The following CDC14A variants were observed in gnomAD, a reference collection of about 807,000 sequenced individuals.
CDC14A encodes the protein cell division cycle 14A, also known as dual specificity protein phosphatase CDC14A.
A neutral mutation model predicts 74.4 loss-of-function variants in CDC14A; 53 were observed. That is an observed-to-expected ratio of 0.71 (90% CI 0.57 to 0.89). The LOEUF (loss-of-function observed/expected upper bound fraction) is 0.89, where lower values mean the gene tolerates loss of function less well. CDC14A is among the 40% of genes least tolerant of loss of function. The probability of loss-of-function intolerance (pLI) is 0.00; values close to 1 mark genes in which losing one functional copy is unlikely to be tolerated. For synonymous variants in CDC14A, 247 were observed against 258.4 expected (o/e 0.96, Z 0.43); for missense variants, 646 against 713.7 (o/e 0.91, Z 1.08).
intron 9 of CDC14A, among the ~76,000 whole-genome samples, chr1:100,463,736 C>G (rs1300143603): frequency 6.6e-6 from 1 of 152,172 alleles, no homozygotes; most frequent in African/African-American, 2.4e-5. Context: ...TGTTTGACTT[C>G]GAGGAGGCTT....
intron 2 of CDC14A, among the ~76,000 whole-genome samples, chr1:100,364,492 G>T (rs906344384): frequency 6.6e-6 from 1 of 151,936 alleles, no homozygotes; most frequent in Non-Finnish European, 1.5e-5. Flanking sequence ...GATTACAGGC[G>T]GAGCCGTTGC....
upstream of CDC14A, among the ~76,000 whole-genome samples, chr1:100,348,430 A>G (rs1438132679): frequency 2.0e-5 from 3 of 152,122 alleles, no homozygotes; most frequent in Non-Finnish European, 4.4e-5. Context: ...TTTAAATGAT[A>G]AAATTTAATT....
chr1:100,515,576 A>G (rs1650144493), intron 15 of CDC14A, among the ~76,000 whole-genome samples: 1 of 151,744 alleles, frequency 6.6e-6, no homozygotes, highest in Non-Finnish European at 1.5e-5. Flanking sequence ...GTGGTGATGG[A>G]GTTTCGCCAT....
intron 2 of CDC14A, among the ~76,000 whole-genome samples, chr1:100,364,448 G>A (rs112233280): frequency 0.09 from 13,633 of 151,820 alleles, 2,109 homozygotes; most frequent in African/African-American, 0.31. Context: ...TCTTGACCTC[G>A]TGATCCGCCC....
intron 4 of CDC14A, among the ~76,000 whole-genome samples, chr1:100,410,982 C>T (rs920790836): frequency 2.0e-5 from 3 of 152,154 alleles, no homozygotes; most frequent in South Asian, 2.1e-4. Context: ...AATAATTTCT[C>T]CTCTGAAGAA....
intron 2 of CDC14A, among the ~76,000 whole-genome samples, chr1:100,363,599 C>A (rs1487892343): frequency 4.7e-5 from 7 of 149,980 alleles, no homozygotes; most frequent in African/African-American, 1.7e-4. Context: ...GAAGAATTTG[C>A]CAGTTTAGAC....
chr1:100,433,338 T>C (rs1374266851), intron 5 of CDC14A, among the ~76,000 whole-genome samples: 3 of 152,200 alleles, frequency 2.0e-5, no homozygotes, highest in East Asian at 1.9e-4. Context: ...TCTGGGCCAA[T>C]AGACATAAAA....
intron 4 of CDC14A, among the ~76,000 whole-genome samples, chr1:100,420,031 T>TATAC (rs1289903598): frequency 2.1e-4 from 17 of 82,874 alleles, no homozygotes; most frequent in African/African-American, 2.5e-4. Context: ...TATACATATA[T>TATAC]ACACACACAC....
chr1:100,497,844 A>G (rs1391027313), intron 13 of CDC14A, among the ~76,000 whole-genome samples: 1 of 152,178 alleles, frequency 6.6e-6, no homozygotes, highest in Non-Finnish European at 1.5e-5. Flanking sequence ...AAGTAAGGAC[A>G]GCAATATTAG....
upstream of CDC14A, among the ~76,000 whole-genome samples, chr1:100,350,921 CG>C (rs1395005029): frequency 6.6e-6 from 1 of 152,060 alleles, no homozygotes; most frequent in African/African-American, 2.4e-5. Flanking sequence ...AGGCCTGGCG[CG>C]GTGGCTCAGC....
chr1:100,388,195 G>A (rs908852634), intron 3 of CDC14A, among the ~76,000 whole-genome samples: 3 of 152,084 alleles, frequency 2.0e-5, no homozygotes, highest in African/African-American at 7.2e-5. Context: ...GCCTGTGTAA[G>A]GCAGTATTTA....
rs989749276 is a variant in CDC14A, at chr1:100,462,706, G to A, written c.663G>A (p.Val221=). 2.5e-6 allele frequency: 4 copies of A among 1,613,952 alleles called. No individual in the cohort carries two copies. Among genetic ancestry groups the A allele is most frequent in the Non-Finnish European group, 1.7e-6 (2 of 1,180,012 alleles). ...AYFPYFKKHN[V]TAVVRLNKKI... ...TTCCTTATTTCAAAAAGCATAATGTGACTGCAGTTGTGAGGCTAAACAAAA... is the reference window on the plus strand; with the variant it reads ...TTCCTTATTTCAAAAAGCATAATGTAACTGCAGTTGTGAGGCTAAACAAAA... Residue 221 remains valine (V), a synonymous_variant, in exon 9 of 16, where the codon GTG becomes GTA. Coordinates refer to ENST00000336454, the MANE Select transcript of CDC14A (RefSeq NM_003672.4).
At chr1:100,392,097 C>A (rs966851084) in intron 4 of CDC14A, among the ~76,000 whole-genome samples, 13 of 152,288 alleles carry the variant, frequency 8.5e-5, no homozygotes, top group African/African-American at 3.1e-4. Context: ...GATGTAATGA[C>A]CCCTACATTT....
chr1:100,443,312 T>TA (rs1217141055), intron 7 of CDC14A, among the ~76,000 whole-genome samples: 4 of 152,138 alleles, frequency 2.6e-5, no homozygotes, highest in African/African-American at 7.2e-5. Context: ...AGGTTTTATT[T>TA]AAAATAAAAC....
Position 100,492,036 on chromosome 1 carries a change from T to C in CDC14A, c.1138-2782T>C, listed in dbSNP as rs567238470. 2.0e-5 allele frequency among the ~76,000 whole-genome samples: 3 copies of C among 152,210 alleles called. No homozygotes were observed. The South Asian group carries it at 6.2e-4, about 32-fold the overall frequency. ...AACTTGAGGGGAGGAAGTAAAAGTA[T>C]GTTAAATCTGGGTAGTTAAGTGCAT... On this transcript the variant is annotated intron_variant, in intron 11 of 15. Coordinates refer to ENST00000336454, the MANE Select transcript of CDC14A (RefSeq NM_003672.4).
At chr1:100,416,329 G>A (rs1259941506) in intron 4 of CDC14A, among the ~76,000 whole-genome samples, 1 of 152,186 alleles carries the variant, frequency 6.6e-6, no homozygotes, top group African/African-American at 2.4e-5. Context: ...GCTAGTAACA[G>A]TAACTCGCTT....
intron 15 of CDC14A, among the ~76,000 whole-genome samples, chr1:100,517,264 A>G (rs1650307647): frequency 6.6e-6 from 1 of 152,218 alleles, no homozygotes. Context: ...CTGATAACCT[A>G]TATCATCACC....
intron 4 of CDC14A, among the ~76,000 whole-genome samples, chr1:100,420,063 C>CACATATATATATATATATATATATAT: frequency 8.6e-4 from 53 of 61,578 alleles, no homozygotes; most frequent in Non-Finnish European, 1.4e-3. Flanking sequence ...CACACACACA[C>CACATATATATATATATATATATATAT]ATATATATAT....
chr1:100,360,865 A>G (rs537713066), intron 2 of CDC14A, among the ~76,000 whole-genome samples: 1 of 152,194 alleles, frequency 6.6e-6, no homozygotes, highest in Non-Finnish European at 1.5e-5. Flanking sequence ...TAACAGGGCT[A>G]GTCATAATCA....
Sources: gnomAD v4.1 joint callset for allele counts (sites outside exome capture counted in the v4.1 genomes callset) on GRCh38, gnomAD v4.1.1 for gene constraint, MANE v1.5 for transcripts, NCBI Gene and HGNC (gene_info 2026-07-23, HGNC 2026-07-21) for gene names.